Variants in PARD3B observed in about 807,000 individuals in gnomAD.
The protein encoded by PARD3B is par-3 family cell polarity regulator beta, also known as partitioning defective 3 homolog B.
In PARD3B, 103 loss-of-function variants were observed where a neutral mutation model predicts 130.2. The ratio of observed to expected loss-of-function variants is 0.79; its 90% CI spans 0.67 to 0.93. The LOEUF is 0.93. Among genes scored for constraint, PARD3B ranks in the 40% least tolerant of loss-of-function variants. The probability of loss-of-function intolerance (pLI) is 0.00; values close to 1 mark genes in which losing one functional copy is unlikely to be tolerated. For synonymous variants in PARD3B, 583 were observed against 553.2 expected (o/e 1.05, Z -0.76); for missense variants, 1,609 against 1,499.2 (o/e 1.07, Z -1.21).
intron 2 of PARD3B, among the ~76,000 whole-genome samples, chr2:204,837,601 G>A (rs1474297393): frequency 6.6e-6 from 1 of 151,812 alleles, no homozygotes; most frequent in Admixed American, 6.6e-5. Context: ...TTCTTAAAGA[G>A]GGCTTTCCCT....
chr2:204,883,455 ATT>A (rs1348171832), intron 2 of PARD3B, among the ~76,000 whole-genome samples: 1 of 77,272 alleles, frequency 1.3e-5, no homozygotes, highest in East Asian at 3.8e-4. Flanking sequence ...ATATATATAT[ATT>A]TTTTTTTTTG....
chr2:205,435,359 T>C (rs2047477449), intron 19 of PARD3B, among the ~76,000 whole-genome samples: 1 of 152,134 alleles, frequency 6.6e-6, no homozygotes, highest in African/African-American at 2.4e-5. Flanking sequence ...ATTTAGACTG[T>C]TTCCCATCTT....
intron 19 of PARD3B, among the ~76,000 whole-genome samples, chr2:205,424,772 G>A (rs1360818941): frequency 2.0e-5 from 3 of 152,088 alleles, no homozygotes; most frequent in Non-Finnish European, 4.4e-5. Context: ...TCCAGATAAT[G>A]ATAAGCACCG....
intron 4 of PARD3B, among the ~76,000 whole-genome samples, chr2:205,049,647 C>T (rs1388285839): frequency 2.6e-5 from 4 of 152,114 alleles, no homozygotes; most frequent in African/African-American, 9.7e-5. Context: ...GGCTACTGTC[C>T]ATCTGGTAAA....
At chr2:204,753,949 C>T (rs1212286222) in intron 2 of PARD3B, among the ~76,000 whole-genome samples, 1 of 152,028 alleles carries the variant, frequency 6.6e-6, no homozygotes, top group Non-Finnish European at 1.5e-5. Context: ...TAAGCATTGG[C>T]CCCTGGAATA....
At chr2:205,130,734 G>C (rs1029210418) in intron 10 of PARD3B, among the ~76,000 whole-genome samples, 4 of 152,178 alleles carry the variant, frequency 2.6e-5, no homozygotes, top group African/African-American at 9.7e-5. Context: ...ACGTTTGCCT[G>C]CTATTTGATG....
chr2:205,259,473 T>G (rs2040217726), intron 16 of PARD3B, among the ~76,000 whole-genome samples: 1 of 152,310 alleles, frequency 6.6e-6, no homozygotes, highest in Admixed American at 6.5e-5. Flanking sequence ...AAGTCTTTTA[T>G]CTCTGGTTAC....
intron 15 of PARD3B, among the ~76,000 whole-genome samples, chr2:205,206,060 T>C (rs2037277700): frequency 6.6e-6 from 1 of 152,158 alleles, no homozygotes. Flanking sequence ...AGTTCGGCTG[T>C]GACTTTGTCT....
intron 14 of PARD3B, among the ~76,000 whole-genome samples, chr2:205,191,922 T>A (rs1237092550): frequency 6.6e-6 from 1 of 152,128 alleles, no homozygotes; most frequent in Non-Finnish European, 1.5e-5. Flanking sequence ...GGTGCAATCT[T>A]AGCTCACTGC....
At position 205,146,668 on chromosome 2, in the gene PARD3B, C is replaced by T. The variant is rs2033386493; in HGVS notation, c.1435-12054C>T. Among the ~76,000 whole-genome samples, 3 of 151,966 alleles carry T rather than the reference C, an allele frequency of 2.0e-5. No individual in the cohort carries two copies. Among genetic ancestry groups the T allele is most frequent in the Non-Finnish European group, 4.4e-5 (3 of 67,992 alleles). ...TCCGCCTCAAAAAAAAAAATTGTTA[C>T]ATCATATTGTTTGTTCCTGAATCTT... On this transcript the variant is annotated intron_variant, in intron 10 of 22. Transcript: ENST00000406610. This position sits in a 1 kb window ranked among gnomAD's most constrained non-coding sequence, Gnocchi z 4.3.
intron 16 of PARD3B, among the ~76,000 whole-genome samples, chr2:205,289,572 T>C (rs137918994): frequency 1.9e-3 from 286 of 152,218 alleles, no homozygotes; most frequent in African/African-American, 6.7e-3. Context: ...AGCTGGGGCA[T>C]AAAACTGCTA....
At chr2:205,275,066 T>C (rs2040884249) in intron 16 of PARD3B, among the ~76,000 whole-genome samples, 1 of 152,032 alleles carries the variant, frequency 6.6e-6, no homozygotes, top group Non-Finnish European at 1.5e-5. Context: ...AGAGAAAAAA[T>C]GTGAGTAAGG....
chr2:205,177,465 TC>T (rs1455407635), intron 13 of PARD3B, among the ~76,000 whole-genome samples: 1 of 152,214 alleles, frequency 6.6e-6, no homozygotes, highest in African/African-American at 2.4e-5. Flanking sequence ...TGCCTCTTAG[TC>T]ATTGAATATT....
At chr2:205,226,665 T>C (rs983079635) in intron 15 of PARD3B, among the ~76,000 whole-genome samples, 8 of 152,194 alleles carry the variant, frequency 5.3e-5, no homozygotes, top group African/African-American at 1.7e-4. Flanking sequence ...AATAAGTTCA[T>C]TGTGGATATA....
intron 2 of PARD3B, among the ~76,000 whole-genome samples, chr2:204,701,503 T>G (rs2037891185): frequency 6.6e-6 from 1 of 152,180 alleles, no homozygotes; most frequent in South Asian, 2.1e-4. Context: ...AGCTGTAGTT[T>G]GCTTTTAAAA....
Position 205,187,431 on chromosome 2 carries a change from G to T in PARD3B, c.2024+1568G>T, listed in dbSNP as rs527461290. On this transcript the variant is annotated intron_variant, in intron 14 of 22. Transcript: ENST00000406610. The surrounding 1 kb of genome is among the most constrained non-coding windows in gnomAD (Gnocchi z 4.9). ...ACACAGAATGAAACCTGGGTTTTTT[G>T]TGTGTGTATAACATGGATTGGGTGA... Among the ~76,000 whole-genome samples the T allele has an allele frequency of 2.6e-5, 4 of 152,266 alleles. No homozygotes were observed. The highest frequency in any genetic ancestry group is 7.2e-5 in the African/African-American group (3 of 41,554).
intron 2 of PARD3B, among the ~76,000 whole-genome samples, chr2:204,692,025 C>T (rs977255598): frequency 3.9e-5 from 6 of 152,028 alleles, no homozygotes; most frequent in African/African-American, 1.2e-4. Flanking sequence ...GACTGGTTTG[C>T]GCAATGCTGC....
chr2:205,153,553 T>C (rs1417685786), intron 10 of PARD3B, among the ~76,000 whole-genome samples: 1 of 152,096 alleles, frequency 6.6e-6, no homozygotes, highest in African/African-American at 2.4e-5. Context: ...TACTTTAAAG[T>C]TCATATGGAA....
chr2:204,697,661 A>G (rs550531257), intron 2 of PARD3B, among the ~76,000 whole-genome samples: 7 of 152,218 alleles, frequency 4.6e-5, no homozygotes, highest in African/African-American at 1.4e-4. Flanking sequence ...GGATTGGCCT[A>G]CATAGTCCGT....
Sources: gnomAD v4.1 joint callset for allele counts (sites outside exome capture counted in the v4.1 genomes callset) on GRCh38, gnomAD v4.1.1 for gene constraint, Gnocchi (gnomAD v3.1) non-coding constraint, MANE v1.5 for transcripts, NCBI Gene and HGNC (gene_info 2026-07-23, HGNC 2026-07-21) for gene names.